Variants in BMPER observed in about 807,000 individuals in gnomAD.
The protein encoded by BMPER is BMP-binding endothelial regulator protein.
Under a neutral mutation model 87.3 loss-of-function variants are expected in BMPER, and 45 were observed. The ratio of observed to expected loss-of-function variants is 0.52; its 90% CI spans 0.41 to 0.66. The LOEUF (loss-of-function observed/expected upper bound fraction) is 0.66. BMPER is among the 30% of genes least tolerant of loss of function. The probability of loss-of-function intolerance (pLI) is 0.00; values close to 1 mark genes in which losing one functional copy is unlikely to be tolerated. For missense variants in BMPER, 784 were observed against 867.5 expected (o/e 0.90, Z 1.21); for synonymous variants, 326 against 316.2 (o/e 1.03, Z -0.33).
At chr7:33,917,394 A>T (rs1311025861) in intron 2 of BMPER, among the ~76,000 whole-genome samples, 1 of 151,858 alleles carries the variant, frequency 6.6e-6, no homozygotes, top group African/African-American at 2.4e-5. Context: ...TAGTGTAATG[A>T]GCTTTCTTTC....
At chr7:34,052,847 C>T (rs1490973944) in intron 8 of BMPER, among the ~76,000 whole-genome samples, 1 of 152,150 alleles carries the variant, frequency 6.6e-6, no homozygotes, top group Admixed American at 6.5e-5. Flanking sequence ...GCTGAACTGT[C>T]CGTTCCCTTG....
chr7:33,992,013 T>C (rs1283475423), intron 6 of BMPER, among the ~76,000 whole-genome samples: 430 of 150,894 alleles, frequency 2.8e-3, no homozygotes, highest in Non-Finnish European at 5.1e-3. Flanking sequence ...CTTTTACATT[T>C]GCTGAGGAGA....
In BMPER at chr7:34,153,150, G is replaced by A. The variant is rs6968741; in HGVS notation, c.1935G>A (p.Thr645=). The part of the protein sequence containing the change: ...YDTCGPGCIK[T]CDNWNEIGPC... ...CCTGTGGTCCGGGATGTATCAAGAC[G>A]TGTGACAACTGGAATGAAATTGGTC... is the stretch of plus-strand genomic sequence containing the variant. The change falls in exon 15 of 15, where the codon ACG becomes ACA. Residue 645 remains threonine, a synonymous_variant. Coordinates refer to ENST00000649409, the MANE Select transcript of BMPER (RefSeq NM_001365308.1). 2.7e-5 allele frequency: 43 copies of A among 1,613,984 alleles called. No homozygotes were observed. Among genetic ancestry groups the A allele is most frequent in the African/African-American group, 2.0e-4 (15 of 74,958 alleles).
intron 6 of BMPER, among the ~76,000 whole-genome samples, chr7:34,031,907 TATATATATATATATATATATACACAC>T (rs1336740525): frequency 8.0e-6 from 1 of 124,618 alleles, no homozygotes; most frequent in African/African-American, 3.2e-5. Context: ...TATATATATA[TATATATATATATATATATATACACAC>T]ACACACACAC....
intron 13 of BMPER, among the ~76,000 whole-genome samples, chr7:34,124,815 TAAAG>T (rs1790358957): frequency 6.6e-6 from 1 of 152,182 alleles, no homozygotes. Context: ...TTCACACTGT[TAAAG>T]AAACATTCTT....
intron 13 of BMPER, among the ~76,000 whole-genome samples, chr7:34,097,160 A>G (rs1789552016): frequency 6.6e-6 from 1 of 152,204 alleles, no homozygotes; most frequent in Middle Eastern, 3.2e-3. Flanking sequence ...CCAAAAGCAT[A>G]TGTAGGGTTT....
At chr7:33,977,179 A>G (rs1322891849) in intron 6 of BMPER, among the ~76,000 whole-genome samples, 2 of 152,184 alleles carry the variant, frequency 1.3e-5, no homozygotes, top group Non-Finnish European at 2.9e-5. Context: ...TCTTTTATGA[A>G]CACACACATT....
chr7:34,058,753 G>A (rs1421832062), intron 10 of BMPER, among the ~76,000 whole-genome samples: 2 of 152,092 alleles, frequency 1.3e-5, no homozygotes, highest in African/African-American at 4.8e-5. Flanking sequence ...TAAAGCATGA[G>A]GTTCATTGAA....
At chr7:33,933,892 A>G (rs1784538401) in intron 2 of BMPER, among the ~76,000 whole-genome samples, 1 of 152,236 alleles carries the variant, frequency 6.6e-6, no homozygotes, top group African/African-American at 2.4e-5. Flanking sequence ...GTTTCCTAAC[A>G]TTGATCCCTC....
Position 34,132,309 on chromosome 7 carries a change from T to C in BMPER, c.1746-10921T>C, listed in dbSNP as rs947021310. Reference sequence around the variant, plus strand: ...TGCCCTCAAGACTCCTCCTTGAGTGTTGCCTGGCCCAGTTCTGCCCTGCTC... The same window carrying C: ...TGCCCTCAAGACTCCTCCTTGAGTGCTGCCTGGCCCAGTTCTGCCCTGCTC... On this transcript the variant is annotated intron_variant, in intron 13 of 14. Transcript: ENST00000649409. Among the ~76,000 whole-genome samples, 15 of 152,224 alleles carry C rather than the reference T, an allele frequency of 9.9e-5. No homozygotes were observed. The East Asian group carries it at 2.3e-3, about 24-fold the overall frequency.
intron 6 of BMPER, among the ~76,000 whole-genome samples, chr7:34,036,419 G>C (rs983358768): frequency 1.3e-5 from 2 of 152,044 alleles, no homozygotes; most frequent in African/African-American, 4.8e-5. Flanking sequence ...TTTATTGATC[G>C]TTTCAGAGAG....
intron 2 of BMPER, among the ~76,000 whole-genome samples, chr7:33,917,511 A>G (rs913459112): frequency 2.0e-5 from 3 of 152,154 alleles, no homozygotes; most frequent in Non-Finnish European, 4.4e-5. Context: ...TCGTGCAGGT[A>G]ACTCAGCAAG....
intron 13 of BMPER, among the ~76,000 whole-genome samples, chr7:34,093,108 T>G (rs966392897): frequency 5.9e-5 from 9 of 152,142 alleles, no homozygotes; most frequent in African/African-American, 2.2e-4. Flanking sequence ...GTGGTAATAC[T>G]CATGGGTGTG....
At chr7:33,918,573 T>G (rs1784139935) in intron 2 of BMPER, among the ~76,000 whole-genome samples, 1 of 152,214 alleles carries the variant, frequency 6.6e-6, no homozygotes, top group African/African-American at 2.4e-5. Context: ...TAGCAGTGTT[T>G]TTTTTGGTCT....
At chr7:34,064,763 C>G (rs1258181186) in intron 11 of BMPER, among the ~76,000 whole-genome samples, 4 of 152,204 alleles carry the variant, frequency 2.6e-5, no homozygotes, top group Admixed American at 2.0e-4. Context: ...CTTTGGTGTT[C>G]TTTCCATCTG....
chr7:34,087,068 T>C (rs1432877716), intron 13 of BMPER, among the ~76,000 whole-genome samples: 1 of 152,216 alleles, frequency 6.6e-6, no homozygotes, highest in Non-Finnish European at 1.5e-5. Flanking sequence ...TATGATTTTT[T>C]TATTTGATCT....
intron 6 of BMPER, among the ~76,000 whole-genome samples, chr7:33,999,239 G>A (rs775244695): frequency 1.3e-5 from 2 of 152,214 alleles, no homozygotes; most frequent in Admixed American, 6.5e-5. Flanking sequence ...TGAGGACACC[G>A]TGAGCTTTGT....
At chr7:33,937,508 A>T in intron 3 of BMPER, 120 bp downstream of exon 3, 3 of 740,764 alleles carry the variant, frequency 4.0e-6, no homozygotes, top group South Asian at 1.5e-5. Context: ...GGGGAGGAGA[A>T]GTAGGGTGTG....
chr7:34,071,178 C>A (rs976693121), intron 11 of BMPER, among the ~76,000 whole-genome samples: 1 of 152,148 alleles, frequency 6.6e-6, no homozygotes, highest in Admixed American at 6.5e-5. Context: ...TTCAACAAAT[C>A]TATACTTTCT....
Sources: allele counts gnomAD v4.1 joint callset (sites outside exome capture counted in the v4.1 genomes callset), GRCh38; gene constraint gnomAD v4.1.1; transcripts MANE v1.5; gene names NCBI Gene and HGNC (gene_info 2026-07-23, HGNC 2026-07-21).